The following FILIP1L variants were observed in gnomAD, a reference collection of about 807,000 sequenced individuals.
FILIP1L encodes the protein filamin A interacting protein 1 like, also known as filamin A-interacting protein 1-like.
A neutral mutation model predicts 96.6 loss-of-function variants in FILIP1L; 55 were observed. The observed-to-expected ratio is 0.57, with a 90% CI of 0.46 to 0.71. FILIP1L has a LOEUF of 0.71. Ranked by LOEUF, FILIP1L falls within the 30% of genes least tolerant of loss-of-function variation. The pLI, the probability that FILIP1L is intolerant of heterozygous loss-of-function variation, is 0.00. For synonymous variants in FILIP1L, 467 were observed against 473.9 expected, an observed-to-expected ratio of 0.99 and a Z score of 0.19; for missense variants, 1,304 against 1,321.2, an observed-to-expected ratio of 0.99 and a Z score of 0.20.
In FILIP1L at chr3:99,849,745, G is replaced by C. The variant is rs531300295; in HGVS notation, c.1931C>G (p.Ala644Gly). The C allele has an allele frequency of 3.7e-6, 6 of 1,613,534 alleles. No homozygotes were observed. The highest frequency in any genetic ancestry group is 5.1e-6 in the Non-Finnish European group (6 of 1,180,000). Residue 644 changes from alanine to glycine, a missense_variant, in exon 5 of 6, where the codon GCC (alanine) becomes GGC (glycine). Transcript: ENST00000477258. ...TGTTTTCATGAGGTCATCCTCAATG[G>C]CTTTCATGTCCTTTAGCTTCAGTTT... ...RLKLKLKDMK[A>G]IEDDLMKTED...
chr3:99,861,388 A>G (rs1944245642), intron 4 of FILIP1L, among the ~76,000 whole-genome samples: 1 of 152,190 alleles, frequency 6.6e-6, no homozygotes, highest in Non-Finnish European at 1.5e-5. Context: ...GCCTTGTATT[A>G]TCACAGATGT....
intron 1 of FILIP1L, among the ~76,000 whole-genome samples, chr3:99,994,877 A>G (rs1353805428): frequency 6.6e-6 from 1 of 152,178 alleles, no homozygotes; most frequent in Non-Finnish European, 1.5e-5. Flanking sequence ...AACTGCCTTC[A>G]TGATTCAAAT....
At chr3:99,837,477 T>C (rs1318998519) in intron 5 of FILIP1L, among the ~76,000 whole-genome samples, 1 of 151,866 alleles carries the variant, frequency 6.6e-6, no homozygotes, top group Non-Finnish European at 1.5e-5. Flanking sequence ...TTGTAAAGGA[T>C]AATAATGCAT....
chr3:99,854,574 G>A (rs1943862607), intron 4 of FILIP1L, among the ~76,000 whole-genome samples: 1 of 152,126 alleles, frequency 6.6e-6, no homozygotes. Context: ...GTTGATATTT[G>A]GGGCCAGATA....
At position 99,981,640 on chromosome 3, in the gene FILIP1L, A is replaced by G. The variant is rs188689103; in HGVS notation, c.-10-50610T>C. Among the ~76,000 whole-genome samples the G allele has an allele frequency of 2.7e-3, 405 of 152,304 alleles. 2 individuals are homozygous for G. The highest frequency in any genetic ancestry group is 5.1e-3 in the Non-Finnish European group (349 of 68,026). The stretch of plus-strand genomic sequence containing the variant: ...TCCCCGTTTTGCAAGTGGAAAATTG[A>G]CAGTTTCAATAACTTGTCCAACATT... On this transcript the variant is annotated intron_variant, in intron 1 of 5. Coordinates refer to ENST00000477258, the MANE Select transcript of FILIP1L (RefSeq NM_001387850.1).
At chr3:100,051,071 T>C (rs542440019) in intron 1 of FILIP1L, among the ~76,000 whole-genome samples, 1 of 152,326 alleles carries the variant, frequency 6.6e-6, no homozygotes, top group Non-Finnish European at 1.5e-5. Context: ...TTTATTAGTA[T>C]AAATTTATTT....
At chr3:99,906,845 C>T (rs934922031) in intron 4 of FILIP1L, among the ~76,000 whole-genome samples, 13 of 152,140 alleles carry the variant, frequency 8.5e-5, no homozygotes, top group Middle Eastern at 3.2e-3. Flanking sequence ...ATGTATTTTG[C>T]CATTTTCCCC....
intron 1 of FILIP1L, among the ~76,000 whole-genome samples, chr3:100,104,436 C>G (rs1016480886): frequency 3.9e-5 from 6 of 152,104 alleles, no homozygotes; most frequent in Non-Finnish European, 7.4e-5. Flanking sequence ...TTGAGATACT[C>G]CAGAAAGATG....
At chr3:99,871,999 A>G (rs1944812488) in intron 4 of FILIP1L, among the ~76,000 whole-genome samples, 1 of 151,656 alleles carries the variant, frequency 6.6e-6, no homozygotes, top group Admixed American at 6.6e-5. Context: ...TTCTTTTTTT[A>G]ATGGATTTTA....
chr3:100,043,536 C>G (rs1352422804), intron 1 of FILIP1L, among the ~76,000 whole-genome samples: 1 of 152,166 alleles, frequency 6.6e-6, no homozygotes. Flanking sequence ...GGCTCCACCC[C>G]ATCCTACCAT....
Position 99,948,042 on chromosome 3 carries a change from A to G in FILIP1L, c.-10-17012T>C, listed in dbSNP as rs1370833759. 2.0e-5 allele frequency among the ~76,000 whole-genome samples: 3 copies of G among 152,246 alleles called. No individual in the cohort carries two copies. The East Asian group carries it at 5.8e-4, about 29-fold the overall frequency. ...CAATGGTGGTGGTAAGATAATAAGT[A>G]TTTTTTATTCTAAAGCTATAACATT... On this transcript the variant is annotated intron_variant, in intron 1 of 5. Transcript: ENST00000477258.
chr3:99,841,837 G>A (rs1465549314), intron 5 of FILIP1L, among the ~76,000 whole-genome samples: 1 of 152,092 alleles, frequency 6.6e-6, no homozygotes. Flanking sequence ...AAAAATAATA[G>A]ATGTTGGTGT....
chr3:99,829,439 T>C lies in FILIP1L; in HGVS notation c.*975A>G, dbSNP rs1559647696. 6.6e-6 allele frequency among the ~76,000 whole-genome samples: 1 copy of C among 152,236 alleles called. No individual in the cohort carries two copies. ...GACTGTGTCTACCCTTATAGATGAC[T>C]GTTTGAATTCAACATTTTGTATTAA... On this transcript the variant is annotated 3_prime_UTR_variant, in exon 6 of 6. Transcript: ENST00000477258.
At position 99,930,929 on chromosome 3, in the gene FILIP1L, A is replaced by G. The variant is rs1208122747; in HGVS notation, c.92T>C (p.Met31Thr). 6.2e-7 allele frequency: 1 copy of G among 1,613,410 alleles called. No individual in the cohort carries two copies. Among genetic ancestry groups the G allele is most frequent in the South Asian group, 1.1e-5 (1 of 91,020 alleles). The change falls in exon 2 of 6, where the codon ATG becomes ACG. Residue 31 changes from methionine (M) to threonine (T), a missense_variant. Coordinates refer to ENST00000477258, the MANE Select transcript of FILIP1L (RefSeq NM_001387850.1). Reference protein sequence around the residue: ...KGHSFQGPKNMKHRQQDKDSP... With the variant: ...KGHSFQGPKNTKHRQQDKDSP... ...GTCTTTGTCTTGCTGTCTATGCTTC[A>G]TGTTTTTAGGCCCTTGGAAACTGTG...
intron 1 of FILIP1L, among the ~76,000 whole-genome samples, chr3:99,956,584 T>G (rs1708326295): frequency 6.6e-6 from 1 of 152,210 alleles, no homozygotes; most frequent in Non-Finnish European, 1.5e-5. Flanking sequence ...TGACCTCAGA[T>G]GATCCACCTG....
At chr3:100,058,752 G>A (rs1410230888) in intron 1 of FILIP1L, among the ~76,000 whole-genome samples, 1 of 152,222 alleles carries the variant, frequency 6.6e-6, no homozygotes, top group Non-Finnish European at 1.5e-5. Context: ...TCAGTAGAAG[G>A]AGGACGCTGT....
At chr3:100,060,098 G>T (rs906861169) in intron 1 of FILIP1L, among the ~76,000 whole-genome samples, 1 of 152,104 alleles carries the variant, frequency 6.6e-6, no homozygotes, top group African/African-American at 2.4e-5. Context: ...CAGCTGTGCC[G>T]GGTATGGTAA....
chr3:100,102,124 G>T (rs1252654941), intron 1 of FILIP1L, among the ~76,000 whole-genome samples: 4 of 152,132 alleles, frequency 2.6e-5, no homozygotes, highest in Non-Finnish European at 5.9e-5. Context: ...ATAATCCTTT[G>T]GGTATATACC....
chr3:99,873,269 A>T (rs1056519323), intron 4 of FILIP1L, among the ~76,000 whole-genome samples: 2 of 152,232 alleles, frequency 1.3e-5, no homozygotes, highest in Non-Finnish European at 2.9e-5. Context: ...AGCTGAATTC[A>T]TGGTCAAATA....
Sources: gnomAD v4.1 joint callset for allele counts (sites outside exome capture counted in the v4.1 genomes callset) on GRCh38, gnomAD v4.1.1 for gene constraint, MANE v1.5 for transcripts, NCBI Gene and HGNC (gene_info 2026-07-23, HGNC 2026-07-21) for gene names.